The following RFC3 variants were observed in gnomAD, a reference collection of about 807,000 sequenced individuals.
RFC3 encodes A1 38 kDa subunit.
A neutral mutation model predicts 45.1 loss-of-function variants in RFC3; 41 were observed. The observed-to-expected ratio is 0.91, with a 90% CI of 0.71 to 1.18. The LOEUF is 1.18. Ranked by LOEUF, RFC3 falls within the 50% of genes most tolerant of loss-of-function variation. RFC3 has a pLI of 0.00. For synonymous variants in RFC3, 149 were observed against 144.0 expected (o/e 1.03, Z -0.25); for missense variants, 423 against 428.1 (o/e 0.99, Z 0.10).
intron 8 of RFC3, among the ~76,000 whole-genome samples, chr13:33,865,241 GA>G (rs543234288): frequency 5.9e-4 from 89 of 151,926 alleles, no homozygotes; most frequent in Non-Finnish European, 9.6e-4. Flanking sequence ...TAAAAAATAT[GA>G]AAAAAAATAT....
At chr13:33,831,003 A>G in intron 6 of RFC3, 148 bp downstream of exon 6, 2 of 669,388 alleles carry the variant, frequency 3.0e-6, no homozygotes, top group Non-Finnish European at 5.0e-6. Flanking sequence ...CAGATTATTA[A>G]GCATTAGATT....
downstream of RFC3, among the ~76,000 whole-genome samples, chr13:33,967,782 G>A (rs1195473810): frequency 1.5e-5 from 2 of 130,128 alleles, no homozygotes; most frequent in Non-Finnish European, 3.2e-5. Flanking sequence ...CACTGCACCC[G>A]GCCTACACCA....
intron 8 of RFC3, among the ~76,000 whole-genome samples, chr13:33,948,348 A>G (rs1472120195): frequency 6.6e-6 from 1 of 152,192 alleles, no homozygotes; most frequent in East Asian, 1.9e-4. Flanking sequence ...AGGCTGGAGA[A>G]CCTCTGCCTA....
At chr13:33,844,929 C>T (rs2082226497) in intron 8 of RFC3, among the ~76,000 whole-genome samples, 1 of 152,074 alleles carries the variant, frequency 6.6e-6, no homozygotes, top group Admixed American at 6.6e-5. Flanking sequence ...TCTTTCAGAG[C>T]GAAGAAATCC....
intron 8 of RFC3, among the ~76,000 whole-genome samples, chr13:33,854,073 C>T (rs927148370): frequency 5.9e-5 from 9 of 152,066 alleles, no homozygotes; most frequent in South Asian, 2.1e-4. Context: ...TAGAAAGATA[C>T]GAAGAAATGT....
At chr13:33,854,758 G>C (rs920524624) in intron 8 of RFC3, among the ~76,000 whole-genome samples, 1 of 152,138 alleles carries the variant, frequency 6.6e-6, no homozygotes, top group Non-Finnish European at 1.5e-5. Context: ...TTCTGGGTAT[G>C]CTTGATGGGA....
intron 4 of RFC3, among the ~76,000 whole-genome samples, chr13:33,826,233 C>G (rs991207093): frequency 4.6e-5 from 7 of 152,148 alleles, no homozygotes; most frequent in Admixed American, 6.5e-5. Context: ...ACAGTTTAGA[C>G]TTTACCATCC....
chr13:33,900,833 CAAAAA>C (rs56329636), intron 8 of RFC3, among the ~76,000 whole-genome samples: 1 of 140,860 alleles, frequency 7.1e-6, no homozygotes, highest in Admixed American at 7.0e-5. Flanking sequence ...AACTGAATAG[CAAAAA>C]AAAAAAAAAT....
At chr13:33,944,147 A>G (rs1261775553) in intron 8 of RFC3, among the ~76,000 whole-genome samples, 1 of 152,134 alleles carries the variant, frequency 6.6e-6, no homozygotes, top group Non-Finnish European at 1.5e-5. Flanking sequence ...AAGATCATGT[A>G]TTTTGTGTAT....
intron 8 of RFC3, 83 bp from the exon 9 acceptor site, chr13:33,836,021 T>C (rs190504365): frequency 2.0e-4 from 267 of 1,342,784 alleles, no homozygotes; most frequent in Non-Finnish European, 2.5e-4. Flanking sequence ...TGTTTAACTT[T>C]AGTCTTTTTG....
intron 8 of RFC3, among the ~76,000 whole-genome samples, chr13:33,907,895 T>C (rs1412835072): frequency 6.6e-6 from 1 of 152,066 alleles, no homozygotes; most frequent in Non-Finnish European, 1.5e-5. Context: ...TTACAAACCT[T>C]TGAAAAGTAT....
At chr13:33,914,934 C>G (rs1269848896) in intron 8 of RFC3, among the ~76,000 whole-genome samples, 1 of 152,028 alleles carries the variant, frequency 6.6e-6, no homozygotes, top group Non-Finnish European at 1.5e-5. Context: ...GTGGAATATT[C>G]TTTTTTCAGT....
At chr13:33,829,563 A>G in intron 4 of RFC3, 2 of 369,334 alleles carry the variant, frequency 5.4e-6, no homozygotes, top group Non-Finnish European at 9.6e-6. Flanking sequence ...AGGTCTCACA[A>G]TATTAAAAAC....
intron 8 of RFC3, among the ~76,000 whole-genome samples, chr13:33,895,190 A>G (rs1418273323): frequency 6.6e-6 from 1 of 152,230 alleles, no homozygotes; most frequent in Non-Finnish European, 1.5e-5. Flanking sequence ...AGTAAAATAA[A>G]TAATCATCAA....
intron 8 of RFC3, chr13:33,850,369 TTTAA>T (rs2082268680): frequency 6.6e-6 from 1 of 152,140 alleles, no homozygotes; most frequent in African/African-American, 2.4e-5. Context: ...AAAGGATATT[TTTAA>T]TTTATAATAA....
At chr13:33,922,362 A>G (rs1325336203) in intron 8 of RFC3, among the ~76,000 whole-genome samples, 1 of 152,054 alleles carries the variant, frequency 6.6e-6, no homozygotes, top group Non-Finnish European at 1.5e-5. Flanking sequence ...TTTTGTGTCT[A>G]TGAATTCTAA....
Position 33,891,398 on chromosome 13 carries a change from A to G in RFC3, c.879+56181A>G, listed in dbSNP as rs1220721076. Among the ~76,000 whole-genome samples, 3 of 152,172 alleles carry G rather than the reference A, an allele frequency of 2.0e-5. No homozygotes were observed. In the East Asian group the frequency reaches 5.8e-4, roughly 29 times the overall value. ...CCAGTAGAGGACTAAATGAAGTCACAAGTCATATAACAAGCAGAGCAGACA... is the reference window on the plus strand; with the variant it reads ...CCAGTAGAGGACTAAATGAAGTCACGAGTCATATAACAAGCAGAGCAGACA... On this transcript the variant is annotated intron_variant, in intron 8 of 8. Coordinates refer to the RFC3 transcript ENST00000434425.
At chr13:33,966,135 A>G (rs1211726864) in exon 9 of RFC3, 3 of 1,604,498 alleles carry the variant, frequency 1.9e-6, no homozygotes, top group Middle Eastern at 1.6e-4. Context: ...AGGACCTCCA[A>G]AGAACAACTT....
chr13:33,964,596 T>A (rs2083076483), intron 8 of RFC3, among the ~76,000 whole-genome samples: 1 of 152,230 alleles, frequency 6.6e-6, no homozygotes, highest in Non-Finnish European at 1.5e-5. Context: ...TTCCCCTAAA[T>A]GCTAACTGGG....
Sources: gnomAD v4.1 joint callset for allele counts (sites outside exome capture counted in the v4.1 genomes callset) on GRCh38, gnomAD v4.1.1 for gene constraint, MANE v1.5 for transcripts, NCBI Gene and HGNC (gene_info 2026-07-23, HGNC 2026-07-21) for gene names.